SERPINE2: variants seen among roughly 807,000 people sequenced by gnomAD.
SERPINE2 encodes glia-derived nexin.
A neutral mutation model predicts 36.3 loss-of-function variants in SERPINE2; 14 were observed. The observed-to-expected ratio is 0.39, with a 90% CI of 0.25 to 0.60. SERPINE2 has a LOEUF of 0.60. SERPINE2 is among the 20% of genes least tolerant of loss of function. The pLI, the probability that SERPINE2 is intolerant of heterozygous loss-of-function variation, is 0.57. For synonymous variants in SERPINE2, 192 were observed against 191.8 expected (o/e 1.00, Z -0.01); for missense variants, 418 against 499.6 (o/e 0.84, Z 1.56).
At chr2:224,004,899 T>G (rs566507220) in intron 1 of SERPINE2, among the ~76,000 whole-genome samples, 2 of 150,868 alleles carry the variant, frequency 1.3e-5, no homozygotes, top group African/African-American at 4.9e-5. Context: ...TAGTGAATAT[T>G]TGAATAAATA....
chr2:224,019,992 G>C (rs138546843), intron 1 of SERPINE2, among the ~76,000 whole-genome samples: 1 of 152,148 alleles, frequency 6.6e-6, no homozygotes, highest in Non-Finnish European at 1.5e-5. Flanking sequence ...AGAGAGGAAG[G>C]ATCACCCCTG....
At chr2:224,003,548 G>A (rs1458492675) in intron 1 of SERPINE2, among the ~76,000 whole-genome samples, 2 of 152,170 alleles carry the variant, frequency 1.3e-5, no homozygotes, top group Non-Finnish European at 2.9e-5. Flanking sequence ...TTTTGAGGAT[G>A]GTGTTGCTTA....
chr2:224,003,919 T>C (rs1691290727), intron 1 of SERPINE2, among the ~76,000 whole-genome samples: 1 of 152,042 alleles, frequency 6.6e-6, no homozygotes. Flanking sequence ...GGGGAAATCA[T>C]GTCTCTGTGT....
At chr2:224,021,356 G>C (rs1423309174) in intron 1 of SERPINE2, among the ~76,000 whole-genome samples, 1 of 152,180 alleles carries the variant, frequency 6.6e-6, no homozygotes, top group Non-Finnish European at 1.5e-5. Context: ...CAGTTCATGT[G>C]CTCTCCTAGT....
Position 224,034,277 on chromosome 2 carries a change from G to T in SERPINE2, c.-23+4822C>A, listed in dbSNP as rs1367355893. Among the ~76,000 whole-genome samples the T allele has an allele frequency of 4.6e-5, 7 of 152,286 alleles. 1 individual carries two copies. Among genetic ancestry groups the T allele is most frequent in the Middle Eastern group, 3.4e-3 (1 of 294 alleles). On this transcript the variant is annotated intron_variant, in intron 1 of 8. Coordinates refer to ENST00000409304, the MANE Select transcript of SERPINE2 (RefSeq NM_001136528.2). The stretch of plus-strand genomic sequence containing the variant: ...ACATGTGCCACAGAGGGCTGGGGTG[G>T]TGACTGCCAGCAAGGCCTTTTTGAG...
chr2:223,996,390 T>C (rs1279738299), intron 3 of SERPINE2, among the ~76,000 whole-genome samples: 1 of 152,282 alleles, frequency 6.6e-6, no homozygotes, highest in African/African-American at 2.4e-5. Flanking sequence ...CGATGGTTTA[T>C]GGTTTTAGGA....
At chr2:224,030,924 T>C (rs1254059955) in intron 1 of SERPINE2, 2 of 981,098 alleles carry the variant, frequency 2.0e-6, no homozygotes, top group East Asian at 1.1e-4. Context: ...AAAACAAGTG[T>C]CTGAGGAAGG....
In SERPINE2 at chr2:224,001,721, C is replaced by T. The variant is rs775152428; in HGVS notation, c.180G>A (p.Ser60=). 22 of 1,614,040 alleles carry T rather than the reference C, an allele frequency of 1.4e-5. No homozygotes were observed. Among genetic ancestry groups the T allele is most frequent in the African/African-American group, 6.7e-5 (5 of 74,924 alleles). The change falls in exon 2 of 9, where the codon TCG becomes TCA. Residue 60 remains serine, a synonymous_variant. Coordinates refer to ENST00000409304, the MANE Select transcript of SERPINE2 (RefSeq NM_001136528.2). ...NIVISPHGIA[S]VLGMLQLGAD... ...CCCCCAGCTGAAGCATCCCCAGGAC[C>T]GACGCAATCCCATGGGGAGAGATCA...
chr2:224,012,396 C>T (rs1691660270), intron 1 of SERPINE2, among the ~76,000 whole-genome samples: 1 of 152,070 alleles, frequency 6.6e-6, no homozygotes, highest in African/African-American at 2.4e-5. Context: ...CTGGATATAT[C>T]TTAACTGGAA....
intron 1 of SERPINE2, among the ~76,000 whole-genome samples, chr2:224,028,757 C>G (rs941843434): frequency 6.6e-6 from 1 of 152,170 alleles, no homozygotes; most frequent in Admixed American, 6.5e-5. Context: ...TTCCACTTCC[C>G]TCTCCCCTTG....
chr2:223,986,304 T>C (rs1690426491), intron 4 of SERPINE2, among the ~76,000 whole-genome samples: 1 of 152,184 alleles, frequency 6.6e-6, no homozygotes, highest in Non-Finnish European at 1.5e-5. Context: ...CCTAGCACAC[T>C]GCATTTCCTG....
At chr2:224,038,684 C>A in intron 1 of SERPINE2, 1 of 655,852 alleles carries the variant, frequency 1.5e-6, no homozygotes, top group Admixed American at 2.3e-5. Flanking sequence ...GGCGCGCAGC[C>A]TAAGTCCGGG....
intron 1 of SERPINE2, among the ~76,000 whole-genome samples, chr2:224,013,489 C>T (rs1691698658): frequency 6.6e-6 from 1 of 152,160 alleles, no homozygotes; most frequent in Admixed American, 6.5e-5. Flanking sequence ...AGGAGGGAAG[C>T]AGGGGTTTGG....
intron 1 of SERPINE2, chr2:224,010,452 T>C (rs1200666149): frequency 1.6e-5 from 12 of 770,740 alleles, no homozygotes; most frequent in Non-Finnish European, 1.7e-5. Flanking sequence ...TTTATCCATA[T>C]ATTATCCATT....
intron 8 of SERPINE2, among the ~76,000 whole-genome samples, chr2:223,976,367 G>A (rs562582332): frequency 6.6e-6 from 1 of 152,264 alleles, no homozygotes; most frequent in East Asian, 1.9e-4. Context: ...GGCCAGGCTG[G>A]TCTCGAACTC....
intron 3 of SERPINE2, among the ~76,000 whole-genome samples, chr2:223,996,746 G>A (rs1295329525): frequency 1.3e-5 from 2 of 152,164 alleles, no homozygotes; most frequent in Non-Finnish European, 2.9e-5. Flanking sequence ...TTTGTCTTTG[G>A]GCTTCTTCTT....
intron 1 of SERPINE2, among the ~76,000 whole-genome samples, chr2:224,016,403 G>A (rs749523676): frequency 1.1e-4 from 16 of 152,014 alleles, no homozygotes; most frequent in Non-Finnish European, 2.4e-4. Flanking sequence ...CTACTCGGGA[G>A]GCTGAAGCAG....
intron 1 of SERPINE2, among the ~76,000 whole-genome samples, chr2:224,013,283 C>G (rs2106181997): frequency 6.6e-6 from 1 of 152,320 alleles, no homozygotes; most frequent in Middle Eastern, 3.4e-3. Flanking sequence ...GCTCTCACAG[C>G]CTAGAAAAGG....
At chr2:223,977,067 G>A (rs12469511) in intron 8 of SERPINE2, among the ~76,000 whole-genome samples, 30,683 of 152,026 alleles carry the variant, frequency 0.2, 5,123 homozygotes, top group African/African-American at 0.43. Flanking sequence ...GCCTTCCACC[G>A]TAATTGTGAG....
Sources: gnomAD v4.1 joint callset for allele counts (sites outside exome capture counted in the v4.1 genomes callset) on GRCh38, gnomAD v4.1.1 for gene constraint, MANE v1.5 for transcripts, NCBI Gene and HGNC (gene_info 2026-07-23, HGNC 2026-07-21) for gene names.